The following CASP6 variants were observed in gnomAD, a reference collection of about 807,000 sequenced individuals.
CASP6 encodes the protein caspase-6.
A neutral mutation model predicts 31.8 loss-of-function variants in CASP6; 20 were observed. The observed-to-expected ratio is 0.63, with a 90% CI of 0.44 to 0.91. The LOEUF is 0.91. Among genes scored for constraint, CASP6 ranks in the 40% least tolerant of loss-of-function variants. The pLI is 0.00. For missense variants in CASP6, 328 were observed against 361.1 expected (o/e 0.91, Z 0.74); for synonymous variants, 130 against 127.8 (o/e 1.02, Z -0.12).
At chr4:109,695,037 C>A (rs2126158410) in intron 4 of CASP6, among the ~76,000 whole-genome samples, 1 of 152,180 alleles carries the variant, frequency 6.6e-6, no homozygotes, top group East Asian at 1.9e-4. Flanking sequence ...TGCCATGTAG[C>A]CAGGCTAGTC....
At chr4:109,706,878 G>GGTGT (rs1397014487), upstream of CASP6, among the ~76,000 whole-genome samples, 1 of 152,162 alleles carries the variant, frequency 6.6e-6, no homozygotes. Context: ...CTGCACTCCA[G>GGTGT]CCTGAGTGAC....
At chr4:109,675,681 G>A in the CASP6 span, among the ~76,000 whole-genome samples, 1 of 152,236 alleles carries the variant, frequency 6.6e-6, no homozygotes, top group Non-Finnish European at 1.5e-5. Flanking sequence ...GTTGGGATGT[G>A]AGGCGTATTG....
rs764112559 is a variant in CASP6, at chr4:109,689,310, AATTAG to A, written c.*15_*19del. On this transcript the variant is annotated 3_prime_UTR_variant, in exon 7 of 7. Coordinates refer to ENST00000265164, the MANE Select transcript of CASP6 (RefSeq NM_001226.4). ...AAGCCATTTTCAATACAGAGTGTAAAATTAGATAGCCTCTATTAATTAATTAGATT... is the reference window on the plus strand; with the variant it reads ...AAGCCATTTTCAATACAGAGTGTAAAATAGCCTCTATTAATTAATTAGATT... 36 of 1,607,754 alleles carry A rather than the reference AATTAG, an allele frequency of 2.2e-5. No homozygotes were observed. The highest frequency in any genetic ancestry group is 3.1e-5 in the Non-Finnish European group (36 of 1,175,052).
chr4:109,697,032 C>T (rs5030554), intron 3 of CASP6, among the ~76,000 whole-genome samples: 3,350 of 151,814 alleles, frequency 0.022, 111 homozygotes, highest in African/African-American at 0.077. Flanking sequence ...ATGATCCACC[C>T]GCCTCAGCCT....
the CASP6 span, among the ~76,000 whole-genome samples, chr4:109,670,483 T>A: frequency 6.6e-6 from 1 of 152,098 alleles, no homozygotes; most frequent in Non-Finnish European, 1.5e-5. Context: ...TTTGAGAGGC[T>A]GAGGGAGTGG....
upstream of CASP6, among the ~76,000 whole-genome samples, chr4:109,708,539 C>T (rs58255369): frequency 5.2e-3 from 786 of 152,338 alleles, 38 homozygotes; most frequent in East Asian, 0.069. Flanking sequence ...TTTATCCAGT[C>T]TGAATGAGTT....
At chr4:109,681,339 C>A in the CASP6 span, 1 of 334,832 alleles carries the variant, frequency 3.0e-6, no homozygotes, top group South Asian at 2.2e-5. Flanking sequence ...TAGTCAAAAG[C>A]TACTAAAGTT....
the CASP6 span, among the ~76,000 whole-genome samples, chr4:109,679,771 CG>C: frequency 6.6e-6 from 1 of 151,682 alleles, no homozygotes; most frequent in African/African-American, 2.4e-5. Flanking sequence ...CTTTCTCTCC[CG>C]CTTTGAGGTA....
At chr4:109,681,996 C>T in the CASP6 span, among the ~76,000 whole-genome samples, 1 of 152,254 alleles carries the variant, frequency 6.6e-6, no homozygotes, top group Non-Finnish European at 1.5e-5. Flanking sequence ...CTTGTCCTTC[C>T]CGCTGTGCTC....
chr4:109,670,739 A>G, the CASP6 span, among the ~76,000 whole-genome samples: 1 of 151,884 alleles, frequency 6.6e-6, no homozygotes, highest in Admixed American at 6.6e-5. Context: ...AAAGAAAAAG[A>G]AAAAGAACAG....
intron 6 of CASP6, 98 bp downstream of exon 6, chr4:109,690,752 G>A (rs1403864850): frequency 7.9e-7 from 1 of 1,270,314 alleles, no homozygotes; most frequent in Non-Finnish European, 1.1e-6. Flanking sequence ...GAATCACCAT[G>A]TCCCAACCGA....
At chr4:109,706,009 TA>T (rs1730598768), upstream of CASP6, among the ~76,000 whole-genome samples, 1 of 75,800 alleles carries the variant, frequency 1.3e-5, no homozygotes. Flanking sequence ...AAAATATATA[TA>T]TATATATATA....
intron 3 of CASP6, among the ~76,000 whole-genome samples, chr4:109,697,380 T>C (rs1490525891): frequency 6.6e-6 from 1 of 151,756 alleles, no homozygotes; most frequent in Non-Finnish European, 1.5e-5. Flanking sequence ...CAAGCAATCC[T>C]CCCCCTTCAG....
In CASP6 at chr4:109,690,947, T is replaced by G; in HGVS notation, c.546A>C (p.Thr182=). The G allele has an allele frequency of 6.2e-7, 1 of 1,613,934 alleles. No homozygotes were observed. Among genetic ancestry groups the G allele is most frequent in the South Asian group, 1.1e-5 (1 of 91,028 alleles). ...VIPLDVVDNQ[T]EKLDTNITEV... is the part of the protein sequence containing the mutation. ...CAGTTATGTTGGTGTCCAACTTCTC[T>G]GTCTGATTATCTACTACATCCAAAG... is the stretch of plus-strand genomic sequence containing the variant. Residue 182 remains threonine, a synonymous_variant, in exon 6 of 7, where the codon ACA becomes ACC. Transcript: ENST00000265164.
intron 5 of CASP6, among the ~76,000 whole-genome samples, chr4:109,691,838 A>C (rs937020233): frequency 3.9e-5 from 6 of 152,206 alleles, no homozygotes; most frequent in African/African-American, 1.4e-4. Flanking sequence ...GCACAGAAGA[A>C]AGACCATATG....
intron 5 of CASP6, among the ~76,000 whole-genome samples, chr4:109,691,617 G>A (rs1256350788): frequency 6.6e-6 from 1 of 152,088 alleles, no homozygotes; most frequent in Admixed American, 6.5e-5. Flanking sequence ...TCACTCAGAG[G>A]CTAACATTAA....
chr4:109,686,738 T>C (rs527545138), downstream of CASP6, among the ~76,000 whole-genome samples: 6 of 152,288 alleles, frequency 3.9e-5, no homozygotes, highest in Non-Finnish European at 8.8e-5. Context: ...TAGCTGGACA[T>C]GGTGGCACAT....
chr4:109,665,788 A>G, the CASP6 span, among the ~76,000 whole-genome samples: 1 of 152,284 alleles, frequency 6.6e-6, no homozygotes, highest in South Asian at 2.1e-4. Context: ...TAGCCTTTTC[A>G]GATTCGCTTC....
chr4:109,681,065 T>A, the CASP6 span, among the ~76,000 whole-genome samples: 1 of 152,192 alleles, frequency 6.6e-6, no homozygotes, highest in Admixed American at 6.5e-5. Flanking sequence ...CCTTTACTCT[T>A]AGTTCTTAGC....
Sources: gnomAD v4.1 joint callset for allele counts (sites outside exome capture counted in the v4.1 genomes callset) on GRCh38, gnomAD v4.1.1 for gene constraint, MANE v1.5 for transcripts, NCBI Gene and HGNC (gene_info 2026-07-23, HGNC 2026-07-21) for gene names.